The following IL1RAPL1 variants were observed in gnomAD, a reference collection of about 807,000 sequenced individuals.
The protein encoded by IL1RAPL1 is interleukin 1 receptor accessory protein like 1, also known as interleukin-1 receptor accessory protein-like 1.
A neutral mutation model predicts 48.4 loss-of-function variants in IL1RAPL1; 3 were observed. The ratio of observed to expected loss-of-function variants is 0.06; its 90% CI spans 0.03 to 0.16. The LOEUF (loss-of-function observed/expected upper bound fraction) is 0.16. Ranked by LOEUF, IL1RAPL1 falls within the 10% of genes least tolerant of loss-of-function variation. The probability of loss-of-function intolerance (pLI) is 1.00; values close to 1 mark genes in which losing one functional copy is unlikely to be tolerated. For synonymous variants in IL1RAPL1, 185 were observed against 187.7 expected, an observed-to-expected ratio of 0.99 and a Z score of 0.12; for missense variants, 349 against 530.6, an observed-to-expected ratio of 0.66 and a Z score of 3.36.
At chrX:29,035,016 G>C (rs1602022510) in intron 2 of IL1RAPL1, among the ~76,000 whole-genome samples, 1 of 110,628 alleles carries the variant, frequency 9.0e-6, no homozygotes, top group South Asian at 3.8e-4. Flanking sequence ...CACCACGCCC[G>C]GCTAATTTTT....
intron 2 of IL1RAPL1, among the ~76,000 whole-genome samples, chrX:29,167,231 T>G (rs2147510114): frequency 9.0e-6 from 1 of 110,705 alleles, no homozygotes; most frequent in Admixed American, 9.8e-5. Flanking sequence ...GGTAGAATAT[T>G]ACAGGTATAT....
In IL1RAPL1 at chrX:28,601,362, T is replaced by C. The variant is rs755209655; in HGVS notation, c.-25+13315T>C. Among the ~76,000 whole-genome samples, 5 of 110,168 alleles carry C rather than the reference T, an allele frequency of 4.5e-5. No homozygotes were observed. In the South Asian group the frequency reaches 1.2e-3, roughly 26 times the overall value. On this transcript the variant is annotated intron_variant, in intron 1 of 10. Transcript: ENST00000378993. ...ATTGCTTGAACCTGGGAGGCAGAGG[T>C]TGCAGTGAGCTGAGATCATGCCACT...
At chrX:28,755,346 T>G (rs187978297) in intron 1 of IL1RAPL1, among the ~76,000 whole-genome samples, 1 of 112,480 alleles carries the variant, frequency 8.9e-6, no homozygotes, top group African/African-American at 3.2e-5. Flanking sequence ...GCTCTAAATG[T>G]GATAACCACT....
chrX:29,180,368 CATTATT>C (rs745664167), intron 2 of IL1RAPL1, among the ~76,000 whole-genome samples: 2 of 109,680 alleles, frequency 1.8e-5, no homozygotes, highest in African/African-American at 6.6e-5. Flanking sequence ...AGAAGAAACT[CATTATT>C]ATTATTATTA....
At chrX:28,786,748 G>A (rs769678463) in intron 1 of IL1RAPL1, among the ~76,000 whole-genome samples, 1 of 111,794 alleles carries the variant, frequency 8.9e-6, no homozygotes, top group South Asian at 3.7e-4. Flanking sequence ...CAGGAAACAG[G>A]CAACTGGTTT....
chrX:29,355,879 TA>T (rs72441413), intron 3 of IL1RAPL1, among the ~76,000 whole-genome samples: 38 of 108,717 alleles, frequency 3.5e-4, no homozygotes, highest in Admixed American at 8.9e-4. Context: ...AAGTAAACAG[TA>T]AAAAAAAACA....
intron 6 of IL1RAPL1, among the ~76,000 whole-genome samples, chrX:29,790,146 A>C (rs185466024): frequency 6.6e-4 from 74 of 111,613 alleles, no homozygotes; most frequent in African/African-American, 2.3e-3. Context: ...TCTTTACGAA[A>C]ATAAAGTTGC....
intron 5 of IL1RAPL1, among the ~76,000 whole-genome samples, chrX:29,409,883 C>T (rs1569305298): frequency 1.0e-5 from 1 of 97,127 alleles, no homozygotes; most frequent in Admixed American, 1.3e-4. Context: ...AGTACAATGG[C>T]ACGATATCGG....
At chrX:29,559,358 G>A (rs1446263640) in intron 5 of IL1RAPL1, among the ~76,000 whole-genome samples, 3 of 111,757 alleles carry the variant, frequency 2.7e-5, no homozygotes, top group Admixed American at 1.9e-4. Flanking sequence ...AGTATTACCC[G>A]CTTTTCAAGT....
chrX:29,511,377 A>G (rs1935391762), intron 5 of IL1RAPL1, among the ~76,000 whole-genome samples: 1 of 111,790 alleles, frequency 8.9e-6, no homozygotes, highest in African/African-American at 3.2e-5. Context: ...GTATAGTCTG[A>G]CCTTTCTAAT....
At chrX:29,027,979 T>C (rs1926525013) in intron 2 of IL1RAPL1, among the ~76,000 whole-genome samples, 2 of 109,553 alleles carry the variant, frequency 1.8e-5, no homozygotes, top group South Asian at 3.9e-4. Flanking sequence ...GTACTTTTAA[T>C]TGAAAAAATT....
intron 2 of IL1RAPL1, among the ~76,000 whole-genome samples, chrX:28,814,295 A>T (rs1272808433): frequency 9.2e-6 from 1 of 108,547 alleles, no homozygotes; most frequent in Non-Finnish European, 1.9e-5. Context: ...TTTCTTGAAT[A>T]AATGTTTCGT....
intron 2 of IL1RAPL1, among the ~76,000 whole-genome samples, chrX:29,104,888 A>G (rs1928418512): frequency 1.8e-5 from 2 of 112,032 alleles, no homozygotes; most frequent in African/African-American, 6.5e-5. Context: ...CCTCATGTTC[A>G]CAGAATGGCT....
chrX:29,462,497 T>C (rs1934814480), intron 5 of IL1RAPL1, among the ~76,000 whole-genome samples: 1 of 111,650 alleles, frequency 9.0e-6, no homozygotes, highest in Admixed American at 9.6e-5. Flanking sequence ...TGTGACAGCA[T>C]GAATACTTCA....
At chrX:29,286,241 A>T (rs749678094) in intron 3 of IL1RAPL1, among the ~76,000 whole-genome samples, 148 of 112,014 alleles carry the variant, frequency 1.3e-3, no homozygotes, top group Non-Finnish European at 2.1e-3. Context: ...TCTTTGCTCC[A>T]TACTTACTGG....
intron 5 of IL1RAPL1, among the ~76,000 whole-genome samples, chrX:29,530,442 T>C (rs1223403053): frequency 9.0e-6 from 1 of 111,723 alleles, no homozygotes; most frequent in African/African-American, 3.3e-5. Context: ...GACTTAATCC[T>C]GGTGGGGAAA....
At chrX:29,605,935 C>T (rs773595637) in intron 5 of IL1RAPL1, among the ~76,000 whole-genome samples, 1 of 111,774 alleles carries the variant, frequency 8.9e-6, no homozygotes, top group Non-Finnish European at 1.9e-5. Flanking sequence ...AGATGGATTT[C>T]GAAGACAAAT....
intron 2 of IL1RAPL1, among the ~76,000 whole-genome samples, chrX:28,995,902 G>C (rs1925713358): frequency 9.3e-6 from 1 of 107,677 alleles, no homozygotes; most frequent in African/African-American, 3.4e-5. Context: ...CTATGAACCA[G>C]AAAAGGCTCA....
At chrX:28,760,632 T>C (rs1408665408) in intron 1 of IL1RAPL1, among the ~76,000 whole-genome samples, 1 of 111,635 alleles carries the variant, frequency 9.0e-6, no homozygotes, top group African/African-American at 3.3e-5. Context: ...AAAGTAAAAA[T>C]GTCTCTCTTC....
Sources: allele counts gnomAD v4.1 joint callset (sites outside exome capture counted in the v4.1 genomes callset), GRCh38; gene constraint gnomAD v4.1.1; transcripts MANE v1.5; gene names NCBI Gene and HGNC (gene_info 2026-07-23, HGNC 2026-07-21).